CSMD1: variants seen among roughly 807,000 people sequenced by gnomAD.
CSMD1 encodes the protein CUB and sushi domain-containing protein 1.
In CSMD1, 213 loss-of-function variants were observed where a neutral mutation model predicts 417.5. That is an observed-to-expected ratio of 0.51 (90% CI 0.46 to 0.57). CSMD1 has a LOEUF of 0.57. Among genes scored for constraint, CSMD1 ranks in the 20% least tolerant of loss-of-function variants. The pLI is 0.00. For missense variants in CSMD1, 6,923 were observed against 4,529.7 expected (o/e 1.53, Z -15.17); for synonymous variants, 2,862 against 1,736.8 (o/e 1.65, Z -16.11).
chr8:3,116,334 G>C (rs559415033), intron 42 of CSMD1, among the ~76,000 whole-genome samples: 1 of 150,504 alleles, frequency 6.6e-6, no homozygotes, highest in East Asian at 1.9e-4. Context: ...AAAAATGTTT[G>C]TTTAGTAAAG....
chr8:2,994,974 G>A (rs191718998), intron 54 of CSMD1, among the ~76,000 whole-genome samples: 1 of 152,150 alleles, frequency 6.6e-6, no homozygotes, highest in Non-Finnish European at 1.5e-5. Context: ...AGACAAAATA[G>A]AGGAACACTT....
intron 3 of CSMD1, among the ~76,000 whole-genome samples, chr8:4,354,483 T>C (rs973042105): frequency 6.6e-6 from 1 of 152,146 alleles, no homozygotes; most frequent in Non-Finnish European, 1.5e-5. Context: ...TGGGGTGGAA[T>C]GTCAGAGAGA....
chr8:4,497,659 G>A (rs1231673101), intron 2 of CSMD1, among the ~76,000 whole-genome samples: 1 of 152,126 alleles, frequency 6.6e-6, no homozygotes, highest in Non-Finnish European at 1.5e-5. Context: ...CCCCAGTGAG[G>A]AAATTACCAT....
intron 5 of CSMD1, among the ~76,000 whole-genome samples, chr8:3,961,104 A>C (rs1812294217): frequency 6.6e-6 from 1 of 152,204 alleles, no homozygotes; most frequent in Non-Finnish European, 1.5e-5. Flanking sequence ...AAAGTCTCCA[A>C]GAAGCTAATA....
chr8:3,996,650 C>A (rs924140867), intron 5 of CSMD1, among the ~76,000 whole-genome samples: 2 of 152,126 alleles, frequency 1.3e-5, no homozygotes, highest in Non-Finnish European at 2.9e-5. Flanking sequence ...ATACAACCTA[C>A]ATTAAGCAGA....
chr8:4,001,946 T>A (rs1815710001), intron 4 of CSMD1, among the ~76,000 whole-genome samples: 1 of 152,120 alleles, frequency 6.6e-6, no homozygotes, highest in Admixed American at 6.5e-5. Flanking sequence ...TCAGTAGATA[T>A]GTTAATGTCC....
At chr8:4,236,577 C>G (rs141937811) in intron 3 of CSMD1, among the ~76,000 whole-genome samples, 4 of 152,144 alleles carry the variant, frequency 2.6e-5, no homozygotes, top group Admixed American at 6.5e-5. Context: ...GTTTTCAATA[C>G]TAAATGAGCT....
intron 1 of CSMD1, among the ~76,000 whole-genome samples, chr8:4,782,390 G>C (rs1585090042): frequency 6.6e-6 from 1 of 151,844 alleles, no homozygotes; most frequent in Non-Finnish European, 1.5e-5. Flanking sequence ...TTATTATGTA[G>C]GTCAATTAAA....
At chr8:3,608,761 C>T (rs1430821332) in intron 8 of CSMD1, among the ~76,000 whole-genome samples, 7 of 42,982 alleles carry the variant, frequency 1.6e-4, no homozygotes, top group Non-Finnish European at 2.4e-4. Context: ...GAGACTCTGT[C>T]TCAAAAAAAA....
intron 12 of CSMD1, among the ~76,000 whole-genome samples, chr8:3,465,229 C>A (rs951944997): frequency 6.6e-6 from 1 of 152,136 alleles, no homozygotes; most frequent in African/African-American, 2.4e-5. Flanking sequence ...AGGGGATGCA[C>A]AGGCCCTGGT....
At chr8:4,080,872 C>G (rs1800093574) in intron 3 of CSMD1, among the ~76,000 whole-genome samples, 1 of 152,144 alleles carries the variant, frequency 6.6e-6, no homozygotes, top group African/African-American at 2.4e-5. Flanking sequence ...TTCCAAAACT[C>G]TTATTTAGAC....
At chr8:3,523,196 T>A (rs1042515487) in intron 10 of CSMD1, among the ~76,000 whole-genome samples, 1 of 152,204 alleles carries the variant, frequency 6.6e-6, no homozygotes, top group African/African-American at 2.4e-5. Flanking sequence ...CAAATACAAC[T>A]GTGTCCATAA....
In CSMD1 at chr8:4,348,648, G is replaced by GAGA. The variant is rs1563080214; in HGVS notation, c.415+71304_415+71305insTCT. 1.3e-4 allele frequency among the ~76,000 whole-genome samples: 14 copies of GAGA among 110,506 alleles called. No homozygotes were observed. The East Asian group carries it at 3.0e-3, about 24-fold the overall frequency. The allele number at this position is 110,506 out of a possible 152,430, so 72.5% of individuals were successfully genotyped here. On this transcript the variant is annotated intron_variant, in intron 3 of 69. Coordinates refer to ENST00000635120, the MANE Select transcript of CSMD1 (RefSeq NM_033225.6). ...GGAGGGGAGAGGGGGAGAGGGAGGG[G>GAGA]GAGAGAGAGAGAGAGAGAGAGACTC...
In CSMD1 at chr8:3,239,982, C is replaced by T. The variant is rs1486511978; in HGVS notation, c.4154-9751G>A. ...GCCGGGGAGCAGAAAGTATATGTGT[C>T]AAGTGTGAGGAAGAAAATAGATTTT... is the stretch of plus-strand genomic sequence containing the variant. On this transcript the variant is annotated intron_variant, in intron 26 of 69. Coordinates refer to ENST00000635120, the MANE Select transcript of CSMD1 (RefSeq NM_033225.6). Among the ~76,000 whole-genome samples the T allele has an allele frequency of 2.6e-5, 4 of 151,550 alleles. No individual in the cohort carries two copies. In the East Asian group the frequency reaches 7.8e-4, roughly 29 times the overall value.
intron 12 of CSMD1, among the ~76,000 whole-genome samples, chr8:3,411,874 GTATA>G (rs1451319747): frequency 0.025 from 2,566 of 101,040 alleles, 492 homozygotes; most frequent in Non-Finnish European, 0.033. Flanking sequence ...ATATATGCAC[GTATA>G]TATACACGTA....
rs528690273 is a variant in CSMD1 at position 4,760,736 on chromosome 8, T to G, written c.86-123178A>C. On this transcript the variant is annotated intron_variant, in intron 1 of 69. Coordinates refer to ENST00000635120, the MANE Select transcript of CSMD1 (RefSeq NM_033225.6). The stretch of plus-strand genomic sequence containing the variant: ...GGTGTATTTTGTAATAATGATTAAG[T>G]TTGGGGAAAGTATTTTATCAGCTAA... 2.1e-4 allele frequency among the ~76,000 whole-genome samples: 32 copies of G among 152,266 alleles called. No homozygotes were observed. The East Asian group carries it at 5.2e-3, about 25-fold the overall frequency.
intron 3 of CSMD1, among the ~76,000 whole-genome samples, chr8:4,067,049 T>C (rs1250943686): frequency 6.6e-6 from 1 of 152,252 alleles, no homozygotes; most frequent in Admixed American, 6.5e-5. Context: ...AAATCAAGTG[T>C]TGCCACATGG....
intron 1 of CSMD1, among the ~76,000 whole-genome samples, chr8:4,716,082 G>T (rs1173980848): frequency 6.6e-6 from 1 of 152,190 alleles, no homozygotes; most frequent in Non-Finnish European, 1.5e-5. Context: ...TTAGAGCTGG[G>T]TTGGGGGCAG....
At chr8:4,425,105 G>A (rs1797470921) in intron 2 of CSMD1, among the ~76,000 whole-genome samples, 1 of 151,894 alleles carries the variant, frequency 6.6e-6, no homozygotes, top group Non-Finnish European at 1.5e-5. Flanking sequence ...CCTAAGTTAG[G>A]TACAAAATAA....
Sources: gnomAD v4.1 joint callset for allele counts (sites outside exome capture counted in the v4.1 genomes callset) on GRCh38, gnomAD v4.1.1 for gene constraint, MANE v1.5 for transcripts, NCBI Gene and HGNC (gene_info 2026-07-23, HGNC 2026-07-21) for gene names.